Variants in CDH4 observed in about 807,000 individuals in gnomAD.
CDH4 encodes cadherin-4.
A neutral mutation model predicts 86.0 loss-of-function variants in CDH4; 33 were observed. That is an observed-to-expected ratio of 0.38 (90% confidence interval 0.29 to 0.51). The LOEUF (loss-of-function observed/expected upper bound fraction) is 0.51, where lower values mean the gene tolerates loss of function less well. Among genes scored for constraint, CDH4 ranks in the 20% least tolerant of loss-of-function variants. The pLI, the probability that CDH4 is intolerant of heterozygous loss-of-function variation, is 0.86. For synonymous variants in CDH4, 555 were observed against 549.4 expected (o/e 1.01, Z -0.14); for missense variants, 1,114 against 1,307.4 (o/e 0.85, Z 2.28).
intron 2 of CDH4, among the ~76,000 whole-genome samples, chr20:61,412,057 G>A (rs534683632): frequency 5.9e-5 from 9 of 152,344 alleles, no homozygotes; most frequent in African/African-American, 1.9e-4. Flanking sequence ...CAAGGAAGGA[G>A]GCCTCTTGGT....
At chr20:61,795,265 G>A (rs1452744852) in intron 4 of CDH4, among the ~76,000 whole-genome samples, 1 of 145,554 alleles carries the variant, frequency 6.9e-6, no homozygotes, top group Non-Finnish European at 1.5e-5. Flanking sequence ...CCTAAGTTTA[G>A]TCCTCATAAA....
intron 2 of CDH4, among the ~76,000 whole-genome samples, chr20:61,520,787 G>C (rs1374024826): frequency 1.3e-5 from 2 of 152,216 alleles, no homozygotes; most frequent in South Asian, 4.1e-4. Flanking sequence ...CTTATTAGAG[G>C]TCTTTAACCT....
intron 2 of CDH4, among the ~76,000 whole-genome samples, chr20:61,554,889 TTACA>T (rs1295988872): frequency 2.6e-5 from 4 of 152,248 alleles, no homozygotes; most frequent in African/African-American, 7.2e-5. Flanking sequence ...AGCTCACGTT[TTACA>T]TGTATGTGTG....
chr20:61,460,751 G>A (rs764740518), intron 2 of CDH4, among the ~76,000 whole-genome samples: 11 of 152,210 alleles, frequency 7.2e-5, no homozygotes, highest in South Asian at 2.1e-4. Context: ...AAAGGGAGCC[G>A]TGTGTGTTGA....
At chr20:61,573,687 C>T (rs1055019310) in intron 2 of CDH4, among the ~76,000 whole-genome samples, 1 of 152,166 alleles carries the variant, frequency 6.6e-6, no homozygotes, top group Non-Finnish European at 1.5e-5. Context: ...AGCTGACCCC[C>T]CATCCACACG....
rs1568773299 is a variant in CDH4, at chr20:61,716,321, C to CCGCCTCT, written c.170-27242_170-27241insCGCCTCT. On this transcript the variant is annotated intron_variant, in intron 2 of 15. Transcript: ENST00000614565. ...GGGGTGGACACTCCTCACCCATGAG[C>CCGCCTCT]TGCCTCTTGGCTGGACCTGTAAAGG... Among the ~76,000 whole-genome samples, 6 of 152,278 alleles carry CCGCCTCT rather than the reference C, an allele frequency of 3.9e-5. No individual in the cohort carries two copies. The South Asian group carries it at 1.2e-3, about 32-fold the overall frequency.
rs563882542 is a variant in CDH4 at position 61,938,711 on chromosome 20, G to A, written c.*1768G>A. On this transcript the variant is annotated 3_prime_UTR_variant, in exon 16 of 16. Coordinates refer to ENST00000614565, the MANE Select transcript of CDH4 (RefSeq NM_001794.5). Reference sequence around the variant, plus strand: ...CCTCAGCCTATGGCCCTTCCCCATGGCTAAGGTCATGCCTTTTCTGAACAG... The same window carrying A: ...CCTCAGCCTATGGCCCTTCCCCATGACTAAGGTCATGCCTTTTCTGAACAG... 7 of 152,542 alleles carry A rather than the reference G, an allele frequency of 4.6e-5. No individual in the cohort carries two copies. The East Asian group carries it at 1.3e-3, about 29-fold the overall frequency. 9.4% of individuals were successfully genotyped at this position (152,542 alleles called of 1,614,324 possible).
intron 4 of CDH4, among the ~76,000 whole-genome samples, chr20:61,828,509 A>T (rs1981428427): frequency 6.6e-6 from 1 of 152,244 alleles, no homozygotes; most frequent in African/African-American, 2.4e-5. Flanking sequence ...GGAACCTCTA[A>T]ATTCAAGGGG....
chr20:61,612,554 T>C (rs2086693333), intron 2 of CDH4, among the ~76,000 whole-genome samples: 1 of 152,106 alleles, frequency 6.6e-6, no homozygotes, highest in Non-Finnish European at 1.5e-5. Flanking sequence ...GCTGTCCACA[T>C]GGTCACTTTT....
intron 3 of CDH4, among the ~76,000 whole-genome samples, chr20:61,757,208 C>A (rs949662515): frequency 1.3e-5 from 2 of 151,716 alleles, no homozygotes; most frequent in African/African-American, 4.9e-5. Context: ...TATCTCCACG[C>A]GTGTTTCTCC....
intron 2 of CDH4, among the ~76,000 whole-genome samples, chr20:61,292,516 G>T (rs941854464): frequency 1.3e-5 from 2 of 152,284 alleles, no homozygotes; most frequent in Middle Eastern, 3.4e-3. Flanking sequence ...AGACGTTTTT[G>T]GTTGTCACAG....
intron 2 of CDH4, among the ~76,000 whole-genome samples, chr20:61,335,815 G>A (rs1039680083): frequency 2.0e-5 from 3 of 152,150 alleles, no homozygotes; most frequent in African/African-American, 7.2e-5. Flanking sequence ...CTTGGCTATT[G>A]AAGTTGTTTA....
chr20:61,560,191 C>T (rs932194846), intron 2 of CDH4, among the ~76,000 whole-genome samples: 1 of 151,724 alleles, frequency 6.6e-6, no homozygotes. Flanking sequence ...GACAGTGAAT[C>T]CCCCCACCTG....
chr20:61,359,586 C>T (rs901063730), intron 2 of CDH4, among the ~76,000 whole-genome samples: 2 of 152,220 alleles, frequency 1.3e-5, no homozygotes, highest in Non-Finnish European at 2.9e-5. Flanking sequence ...GCTCCGTGTC[C>T]CGGCCTGGCA....
chr20:61,746,523 A>C (rs2088416504), intron 3 of CDH4, among the ~76,000 whole-genome samples: 1 of 152,092 alleles, frequency 6.6e-6, no homozygotes, highest in Non-Finnish European at 1.5e-5. Context: ...AGGAGAACTG[A>C]TGTGTGGGGA....
chr20:61,264,481 A>C (rs1312226379), intron 2 of CDH4, among the ~76,000 whole-genome samples: 1 of 148,910 alleles, frequency 6.7e-6, no homozygotes, highest in African/African-American at 2.5e-5. Context: ...TCCTTCATTC[A>C]GTCCTACACA....
At chr20:61,507,886 G>A (rs2085752671) in intron 2 of CDH4, among the ~76,000 whole-genome samples, 1 of 152,212 alleles carries the variant, frequency 6.6e-6, no homozygotes, top group Non-Finnish European at 1.5e-5. Flanking sequence ...TGTTATCTTT[G>A]CAACTTTTCT....
chr20:61,292,986 G>A (rs1162033267), intron 2 of CDH4, among the ~76,000 whole-genome samples: 1 of 152,164 alleles, frequency 6.6e-6, no homozygotes, highest in Non-Finnish European at 1.5e-5. Context: ...TGTGCTGCCG[G>A]GGTCTGCGGC....
intron 4 of CDH4, among the ~76,000 whole-genome samples, chr20:61,798,199 G>A (rs8125818): frequency 2.6e-5 from 4 of 151,748 alleles, no homozygotes; most frequent in Admixed American, 2.0e-4. Context: ...GCCCTGCCCC[G>A]GGCTCTGTGG....
Sources: gnomAD v4.1 joint callset for allele counts (sites outside exome capture counted in the v4.1 genomes callset) on GRCh38, gnomAD v4.1.1 for gene constraint, MANE v1.5 for transcripts, NCBI Gene and HGNC (gene_info 2026-07-23, HGNC 2026-07-21) for gene names.